MAP2K1: variants seen among roughly 807,000 people sequenced by gnomAD.
MAP2K1 encodes the protein dual specificity mitogen-activated protein kinase kinase 1.
In MAP2K1, 16 loss-of-function variants were observed where a neutral mutation model predicts 46.3. The observed-to-expected ratio is 0.35, with a 90% CI of 0.23 to 0.52. MAP2K1 has a LOEUF of 0.52. Among genes scored for constraint, MAP2K1 ranks in the 20% least tolerant of loss-of-function variants. MAP2K1 has a pLI of 0.94. For missense variants in MAP2K1, 263 were observed against 497.1 expected (o/e 0.53, Z 4.48); for synonymous variants, 183 against 185.6 (o/e 0.99, Z 0.11).
chr15:66,439,093 G>A (rs1358860060), intron 3 of MAP2K1, among the ~76,000 whole-genome samples: 5 of 152,166 alleles, frequency 3.3e-5, no homozygotes, highest in Non-Finnish European at 7.3e-5. Flanking sequence ...TTATTCCTGA[G>A]CAGGTCCTGT....
At chr15:66,473,418 GAA>G (rs912427166) in intron 5 of MAP2K1, among the ~76,000 whole-genome samples, 2 of 152,056 alleles carry the variant, frequency 1.3e-5, no homozygotes, top group African/African-American at 4.8e-5. Context: ...ACCAAAAAAA[GAA>G]AAAGTTACTT....
At chr15:66,459,632 A>AT (rs1555418219) in intron 5 of MAP2K1, among the ~76,000 whole-genome samples, 2,948 of 149,218 alleles carry the variant, frequency 0.02, 45 homozygotes, top group South Asian at 0.056. Context: ...AAAAAAAAAA[A>AT]TTTTTTTTGT....
At chr15:66,395,983 AT>A (rs910296994) in intron 1 of MAP2K1, among the ~76,000 whole-genome samples, 1 of 152,152 alleles carries the variant, frequency 6.6e-6, no homozygotes, top group Non-Finnish European at 1.5e-5. Context: ...GGGGCCTAGA[AT>A]AAAATAAATG....
intron 6 of MAP2K1, among the ~76,000 whole-genome samples, chr15:66,483,451 A>C (rs1160150296): frequency 6.6e-6 from 1 of 152,164 alleles, no homozygotes; most frequent in African/African-American, 2.4e-5. Context: ...AGGCCCTGGG[A>C]GTTACTAATC....
At chr15:66,465,155 C>T (rs766313888) in intron 5 of MAP2K1, among the ~76,000 whole-genome samples, 6 of 152,034 alleles carry the variant, frequency 3.9e-5, no homozygotes, top group South Asian at 2.1e-4. Context: ...AACTGGGAGG[C>T]GGAGGTTGCA....
intron 1 of MAP2K1, among the ~76,000 whole-genome samples, chr15:66,421,619 G>T (rs11855232): frequency 0.056 from 8,513 of 151,556 alleles, 342 homozygotes; most frequent in Middle Eastern, 0.11. Context: ...TAGCCAACAT[G>T]GTGAAATCCT....
intron 5 of MAP2K1, among the ~76,000 whole-genome samples, chr15:66,462,125 G>A (rs1479620812): frequency 2.6e-5 from 4 of 152,158 alleles, no homozygotes; most frequent in Non-Finnish European, 5.9e-5. Flanking sequence ...GTTTATGGGT[G>A]AATTAACACA....
At chr15:66,399,166 G>A (rs2093375579) in intron 1 of MAP2K1, among the ~76,000 whole-genome samples, 1 of 152,106 alleles carries the variant, frequency 6.6e-6, no homozygotes, top group Admixed American at 6.5e-5. Flanking sequence ...TGAGGTTCAG[G>A]AAAAAAACTC....
chr15:66,410,572 C>G (rs1325402996), intron 1 of MAP2K1, among the ~76,000 whole-genome samples: 1 of 152,196 alleles, frequency 6.6e-6, no homozygotes, highest in Non-Finnish European at 1.5e-5. Context: ...GGTATCCAGA[C>G]TGCTGAAGGC....
intron 1 of MAP2K1, among the ~76,000 whole-genome samples, chr15:66,421,071 CAT>C (rs1365747286): frequency 1.0e-4 from 13 of 129,744 alleles, no homozygotes; most frequent in African/African-American, 3.4e-4. Context: ...TACACACACA[CAT>C]ATATACACAT....
intron 5 of MAP2K1, among the ~76,000 whole-genome samples, chr15:66,445,645 A>G (rs1329662817): frequency 2.0e-5 from 3 of 152,236 alleles, no homozygotes; most frequent in Non-Finnish European, 4.4e-5. Flanking sequence ...TTCAACAATA[A>G]AAATGAAAAG....
intron 3 of MAP2K1, among the ~76,000 whole-genome samples, chr15:66,439,565 G>A (rs1184070115): frequency 6.6e-6 from 1 of 152,134 alleles, no homozygotes; most frequent in African/African-American, 2.4e-5. Flanking sequence ...TCAGGAGTTC[G>A]AGACCAGCTT....
intron 1 of MAP2K1, among the ~76,000 whole-genome samples, chr15:66,433,335 A>G (rs894268722): frequency 2.6e-5 from 4 of 152,182 alleles, no homozygotes; most frequent in African/African-American, 4.8e-5. Context: ...TTAGACAACA[A>G]TAGTTTATTT....
At chr15:66,471,301 G>A (rs576976939) in intron 5 of MAP2K1, among the ~76,000 whole-genome samples, 1 of 152,254 alleles carries the variant, frequency 6.6e-6, no homozygotes, top group South Asian at 2.1e-4. Flanking sequence ...TTCCCTCCAA[G>A]CTGCAAGAGC....
intron 1 of MAP2K1, among the ~76,000 whole-genome samples, chr15:66,429,964 A>T (rs1595858569): frequency 6.6e-6 from 1 of 152,018 alleles, no homozygotes; most frequent in Non-Finnish European, 1.5e-5. Flanking sequence ...TTACTGTCAC[A>T]TTGACGGACT....
chr15:66,465,296 C>T (rs1892433663), intron 5 of MAP2K1, among the ~76,000 whole-genome samples: 1 of 152,100 alleles, frequency 6.6e-6, no homozygotes, highest in South Asian at 2.1e-4. Flanking sequence ...ACCAAGCTCC[C>T]CAAATGAGCA....
intron 3 of MAP2K1, among the ~76,000 whole-genome samples, 198 bp from the exon 4 acceptor site, chr15:66,443,082 A>ATTTTTTTT (rs398027713): frequency 3.3e-5 from 3 of 91,060 alleles, no homozygotes; most frequent in East Asian, 3.2e-4. Context: ...TTGTGTGTGT[A>ATTTTTTTT]TTTTTTTTTT....
chr15:66,428,924 C>T (rs537973060), intron 1 of MAP2K1, among the ~76,000 whole-genome samples: 11 of 151,832 alleles, frequency 7.2e-5, no homozygotes, highest in African/African-American at 2.7e-4. Flanking sequence ...TGATTACAAG[C>T]ACACGCCACC....
chr15:66,447,861 A>G (rs1035287267), intron 5 of MAP2K1, among the ~76,000 whole-genome samples: 1 of 151,740 alleles, frequency 6.6e-6, no homozygotes, highest in Non-Finnish European at 1.5e-5. Context: ...TGTCCATGTA[A>G]CAACTCTCAC....
Sources: allele counts gnomAD v4.1 joint callset (sites outside exome capture counted in the v4.1 genomes callset), GRCh38; gene constraint gnomAD v4.1.1; transcripts MANE v1.5; gene names NCBI Gene and HGNC (gene_info 2026-07-23, HGNC 2026-07-21).